Variants in FHOD3 observed in about 807,000 individuals in gnomAD.
FHOD3 encodes formin homology 2 domain containing 3, also known as FH1/FH2 domain-containing protein 3.
FHOD3 carries 90 observed loss-of-function variants against 173.0 expected under a neutral mutation model. The observed-to-expected ratio is 0.52, with a 90% CI of 0.44 to 0.62. FHOD3 has a LOEUF of 0.62. Ranked by LOEUF, FHOD3 falls within the 20% of genes least tolerant of loss-of-function variation. FHOD3 has a pLI of 0.00. For missense variants in FHOD3, 1,945 were observed against 2,034.7 expected, an observed-to-expected ratio of 0.96 and a Z score of 0.85; for synonymous variants, 828 against 823.0, an observed-to-expected ratio of 1.01 and a Z score of -0.10.
At chr18:36,331,560 T>G (rs184564746) in intron 1 of FHOD3, among the ~76,000 whole-genome samples, 13 of 152,340 alleles carry the variant, frequency 8.5e-5, no homozygotes, top group African/African-American at 3.1e-4. Context: ...CATTAACCTA[T>G]GCCAGAAGAG....
At chr18:36,339,851 AT>A (rs1032257279) in intron 1 of FHOD3, among the ~76,000 whole-genome samples, 14 of 152,166 alleles carry the variant, frequency 9.2e-5, no homozygotes, top group Admixed American at 2.6e-4. Flanking sequence ...AAGGAGAATG[AT>A]TTTTTTCCTG....
At chr18:36,381,151 CTAAA>C (rs1474052624) in intron 3 of FHOD3, among the ~76,000 whole-genome samples, 3 of 152,344 alleles carry the variant, frequency 2.0e-5, no homozygotes, top group East Asian at 3.9e-4. Context: ...GCCAAAACAT[CTAAA>C]TAAATGTCTT....
intron 5 of FHOD3, among the ~76,000 whole-genome samples, chr18:36,513,067 A>C (rs2055748648): frequency 6.6e-6 from 1 of 152,184 alleles, no homozygotes; most frequent in Non-Finnish European, 1.5e-5. Context: ...TCATTTATAA[A>C]GCGATGCAAA....
chr18:36,742,374 AAGGAC>A (rs762884545), intron 21 of FHOD3, among the ~76,000 whole-genome samples: 36 of 152,152 alleles, frequency 2.4e-4, no homozygotes, highest in Middle Eastern at 3.2e-3. Flanking sequence ...ATCTGCCTGG[AAGGAC>A]AAAAAGCAAA....
At chr18:36,613,636 C>T (rs1249131166) in intron 9 of FHOD3, among the ~76,000 whole-genome samples, 11 of 152,100 alleles carry the variant, frequency 7.2e-5, no homozygotes, top group African/African-American at 1.7e-4. Context: ...ATTGCAAGAG[C>T]CTTTGGGGCC....
At chr18:36,351,798 T>C (rs2046139064) in intron 1 of FHOD3, among the ~76,000 whole-genome samples, 1 of 152,160 alleles carries the variant, frequency 6.6e-6, no homozygotes, top group East Asian at 1.9e-4. Flanking sequence ...ATATTTGTCT[T>C]GGGCTACTGG....
intron 5 of FHOD3, among the ~76,000 whole-genome samples, chr18:36,574,970 C>T (rs79698640): frequency 0.043 from 6,299 of 146,404 alleles, 334 homozygotes; most frequent in East Asian, 0.15. Flanking sequence ...TCTTTTTTCT[C>T]TTTTTTTTTT....
At chr18:36,578,850 G>T (rs532272871) in intron 6 of FHOD3, among the ~76,000 whole-genome samples, 76 of 152,184 alleles carry the variant, frequency 5.0e-4, no homozygotes, top group African/African-American at 1.7e-3. Flanking sequence ...CTCACATCTT[G>T]CCCTCAGGTT....
At chr18:36,307,210 CG>C (rs1568100194) in intron 1 of FHOD3, among the ~76,000 whole-genome samples, 1 of 152,212 alleles carries the variant, frequency 6.6e-6, no homozygotes, top group Admixed American at 6.5e-5. Context: ...AATCTGCCCG[CG>C]TCAGCCTCCC....
intron 14 of FHOD3, among the ~76,000 whole-genome samples, chr18:36,663,423 C>T (rs551252563): frequency 1.3e-5 from 2 of 152,354 alleles, no homozygotes; most frequent in African/African-American, 4.8e-5. Flanking sequence ...AGCTCTCCTT[C>T]CTCCCAGTTT....
At chr18:36,767,425 T>G (rs1179808383) in intron 27 of FHOD3, among the ~76,000 whole-genome samples, 2 of 152,096 alleles carry the variant, frequency 1.3e-5, no homozygotes, top group African/African-American at 4.8e-5. Context: ...GTTCAAGAGA[T>G]TCTCCTGCCT....
intron 3 of FHOD3, among the ~76,000 whole-genome samples, chr18:36,496,123 G>A (rs149167275): frequency 6.6e-6 from 1 of 152,320 alleles, no homozygotes; most frequent in Non-Finnish European, 1.5e-5. Flanking sequence ...CAAATGGAAT[G>A]CCTGGTTTCT....
At chr18:36,703,435 C>G (rs988528551) in intron 17 of FHOD3, among the ~76,000 whole-genome samples, 1 of 152,164 alleles carries the variant, frequency 6.6e-6, no homozygotes, top group South Asian at 2.1e-4. Context: ...CTGTGTAGCT[C>G]TGGGCAAGTT....
At chr18:36,408,325 CAGTT>C (rs1180802415) in intron 3 of FHOD3, among the ~76,000 whole-genome samples, 1 of 152,194 alleles carries the variant, frequency 6.6e-6, no homozygotes, top group African/African-American at 2.4e-5. Context: ...GACACAGTCT[CAGTT>C]AGTGGGGTGT....
chr18:36,376,412 T>TG (rs1568190381), intron 3 of FHOD3, among the ~76,000 whole-genome samples: 1 of 152,210 alleles, frequency 6.6e-6, no homozygotes, highest in African/African-American at 2.4e-5. Flanking sequence ...GTGTCCAATA[T>TG]TGAGTTAAAC....
At chr18:36,438,376 C>G (rs1237991540) in intron 3 of FHOD3, among the ~76,000 whole-genome samples, 1 of 152,144 alleles carries the variant, frequency 6.6e-6, no homozygotes, top group African/African-American at 2.4e-5. Context: ...CTCTTGGGCA[C>G]TGGAGGGCAT....
At chr18:36,509,702 A>C (rs896940062) in intron 4 of FHOD3, among the ~76,000 whole-genome samples, 5 of 152,202 alleles carry the variant, frequency 3.3e-5, no homozygotes, top group Admixed American at 6.5e-5. Context: ...GGTTCACTAG[A>C]TTATTCCGTT....
chr18:36,750,655 G>A (rs1392349442), intron 24 of FHOD3, among the ~76,000 whole-genome samples: 1 of 152,192 alleles, frequency 6.6e-6, no homozygotes, highest in Non-Finnish European at 1.5e-5. Context: ...TCCATCTAGA[G>A]ATGACTTTTG....
At chr18:36,487,972 A>T (rs2054274064) in intron 3 of FHOD3, among the ~76,000 whole-genome samples, 1 of 152,202 alleles carries the variant, frequency 6.6e-6, no homozygotes, top group Non-Finnish European at 1.5e-5. Context: ...GCTGTACTGA[A>T]CTTGTAAAAA....
Sources: allele counts gnomAD v4.1 joint callset (sites outside exome capture counted in the v4.1 genomes callset), GRCh38; gene constraint gnomAD v4.1.1; transcripts MANE v1.5; gene names NCBI Gene and HGNC (gene_info 2026-07-23, HGNC 2026-07-21).